ARHGAP15: variants seen among roughly 807,000 people sequenced by gnomAD.
ARHGAP15 encodes the protein rho GTPase-activating protein 15.
In ARHGAP15, 51 loss-of-function variants were observed where a neutral mutation model predicts 63.7. The ratio of observed to expected loss-of-function variants is 0.80; its 90% CI spans 0.64 to 1.01. The LOEUF is 1.01. ARHGAP15 is among the 50% of genes least tolerant of loss of function. The pLI, the probability that ARHGAP15 is intolerant of heterozygous loss-of-function variation, is 0.00. For synonymous variants in ARHGAP15, 191 were observed against 193.8 expected (o/e 0.99, Z 0.12); for missense variants, 560 against 564.6 (o/e 0.99, Z 0.08).
chr2:143,687,744 A>G (rs1683413708), intron 12 of ARHGAP15, among the ~76,000 whole-genome samples: 1 of 152,242 alleles, frequency 6.6e-6, no homozygotes, highest in South Asian at 2.1e-4. Context: ...CATTTTACCA[A>G]CACAGAGAAT....
At chr2:143,698,465 C>T (rs1468149860) in intron 12 of ARHGAP15, among the ~76,000 whole-genome samples, 4 of 152,210 alleles carry the variant, frequency 2.6e-5, no homozygotes, top group Non-Finnish European at 5.9e-5. Context: ...GGCTATTTCA[C>T]ATCACGTAGG....
chr2:143,713,869 G>A (rs1004073229), intron 13 of ARHGAP15, among the ~76,000 whole-genome samples: 2 of 152,208 alleles, frequency 1.3e-5, no homozygotes, highest in African/African-American at 4.8e-5. Context: ...CTCTGCCCCT[G>A]TGGCTTTGCA....
At chr2:143,343,577 G>A (rs987042296) in intron 6 of ARHGAP15, among the ~76,000 whole-genome samples, 2 of 152,186 alleles carry the variant, frequency 1.3e-5, no homozygotes, top group East Asian at 1.9e-4. Context: ...AGTGTGGGGG[G>A]ATGGATAGAA....
At chr2:143,325,964 C>T (rs547728550) in intron 6 of ARHGAP15, among the ~76,000 whole-genome samples, 131 of 152,180 alleles carry the variant, frequency 8.6e-4, no homozygotes, top group African/African-American at 3.0e-3. Context: ...TCATGGTCCC[C>T]GAAAATTCCA....
chr2:143,309,965 C>T (rs990480454), intron 6 of ARHGAP15, among the ~76,000 whole-genome samples: 14 of 151,190 alleles, frequency 9.3e-5, no homozygotes, highest in African/African-American at 2.4e-4. Context: ...TTTGAATATG[C>T]GAGATCAATT....
intron 1 of ARHGAP15, among the ~76,000 whole-genome samples, chr2:143,147,432 C>T (rs547757189): frequency 1.3e-5 from 2 of 152,120 alleles, no homozygotes; most frequent in South Asian, 4.1e-4. Context: ...GAGAAGATTG[C>T]ATTACTTATG....
At chr2:143,542,796 C>A (rs1250398478) in intron 10 of ARHGAP15, among the ~76,000 whole-genome samples, 1 of 115,450 alleles carries the variant, frequency 8.7e-6, no homozygotes, top group Non-Finnish European at 1.8e-5. Context: ...TATAATATCA[C>A]ATATATAGTA....
At chr2:143,526,317 A>G (rs1260357732) in intron 10 of ARHGAP15, among the ~76,000 whole-genome samples, 1 of 152,132 alleles carries the variant, frequency 6.6e-6, no homozygotes. Context: ...GGATATTCCC[A>G]CACTTTAAAA....
chr2:143,324,046 G>C lies in ARHGAP15; in HGVS notation c.474+73446G>C, dbSNP rs368689111. ...AGAGATGTAAGCATGAAGAAGTTGA[G>C]GCCATGTGCTATCCCATCTCATGGA... is the stretch of plus-strand genomic sequence containing the variant. On this transcript the variant is annotated intron_variant, in intron 6 of 13. Transcript: ENST00000295095. Among the ~76,000 whole-genome samples the C allele has an allele frequency of 1.3e-4, 20 of 152,038 alleles. No homozygotes were observed. The East Asian group carries it at 3.9e-3, about 29-fold the overall frequency.
chr2:143,271,551 C>G (rs1681281491), intron 6 of ARHGAP15, among the ~76,000 whole-genome samples: 1 of 152,256 alleles, frequency 6.6e-6, no homozygotes, highest in East Asian at 1.9e-4. Flanking sequence ...TCTCGTCTCA[C>G]TGCAAGCTCC....
intron 9 of ARHGAP15, among the ~76,000 whole-genome samples, chr2:143,502,643 G>A (rs887768649): frequency 2.0e-5 from 3 of 151,786 alleles, no homozygotes; most frequent in African/African-American, 7.3e-5. Context: ...GCAATGGCAC[G>A]ATCTTTGCTC....
chr2:143,439,355 G>A lies in ARHGAP15; in HGVS notation c.703+2313G>A, dbSNP rs139433296. Among the ~76,000 whole-genome samples, 657 of 139,194 alleles carry A rather than the reference G, an allele frequency of 4.7e-3. 4 individuals carry two copies. Among genetic ancestry groups the A allele is most frequent in the African/African-American group, 0.017 (635 of 37,534 alleles). The allele number at this position is 139,194 out of a possible 152,430, so 91.3% of individuals were successfully genotyped here. ...CAAGAATTGCTTCAACCCGGGAGGC[G>A]GAAGTTGCAGTGAGCTAAGATTTCA... On this transcript the variant is annotated intron_variant, in intron 8 of 13. Transcript: ENST00000295095.
intron 12 of ARHGAP15, among the ~76,000 whole-genome samples, chr2:143,649,601 C>G (rs759001845): frequency 6.6e-6 from 1 of 151,886 alleles, no homozygotes; most frequent in Admixed American, 6.6e-5. Context: ...ATTGCTTGTC[C>G]AATGCTCTCC....
chr2:143,201,728 C>A (rs2105112653), intron 2 of ARHGAP15, among the ~76,000 whole-genome samples: 1 of 152,220 alleles, frequency 6.6e-6, no homozygotes, highest in Admixed American at 6.5e-5. Flanking sequence ...TTTCCTCCAA[C>A]ATATTTTCCA....
chr2:143,363,032 T>C (rs1686131375), intron 6 of ARHGAP15, among the ~76,000 whole-genome samples: 2 of 152,306 alleles, frequency 1.3e-5, no homozygotes, highest in South Asian at 4.1e-4. Context: ...TATTCAAAAC[T>C]TTATAATAAT....
intron 6 of ARHGAP15, among the ~76,000 whole-genome samples, chr2:143,397,342 GTGTGTATA>G (rs1195704631): frequency 3.5e-4 from 52 of 148,720 alleles, no homozygotes; most frequent in African/African-American, 1.2e-3. Context: ...GTGTGTGTGT[GTGTGTATA>G]TATATATCTC....
rs1018610107 is a variant in ARHGAP15, at chr2:143,315,688, C to G, written c.474+65088C>G. Among the ~76,000 whole-genome samples the G allele has an allele frequency of 4.6e-5, 7 of 152,200 alleles. No individual in the cohort carries two copies. The East Asian group carries it at 1.4e-3, about 29-fold the overall frequency. ...AGGAACAATACCACCAATAAGGACA[C>G]CACTAAAATCTACTCTCTCCAACAT... On this transcript the variant is annotated intron_variant, in intron 6 of 13. Coordinates refer to ENST00000295095, the MANE Select transcript of ARHGAP15 (RefSeq NM_018460.4).
chr2:143,184,314 A>T (rs1691355365), intron 2 of ARHGAP15, among the ~76,000 whole-genome samples: 1 of 152,194 alleles, frequency 6.6e-6, no homozygotes. Context: ...AACTGAAAGA[A>T]CTGATTTAGT....
At chr2:143,512,601 T>C (rs1693638541) in intron 9 of ARHGAP15, among the ~76,000 whole-genome samples, 1 of 152,250 alleles carries the variant, frequency 6.6e-6, no homozygotes, top group Non-Finnish European at 1.5e-5. Flanking sequence ...ATCCCTTTCT[T>C]GAAACGTTTG....
Sources: gnomAD v4.1 joint callset for allele counts (sites outside exome capture counted in the v4.1 genomes callset) on GRCh38, gnomAD v4.1.1 for gene constraint, MANE v1.5 for transcripts, NCBI Gene and HGNC (gene_info 2026-07-23, HGNC 2026-07-21) for gene names.